Variants in DNAH6 observed in about 807,000 individuals in gnomAD.
DNAH6 encodes the protein axonemal beta dynein heavy chain 6.
In DNAH6, 340 loss-of-function variants were observed where a neutral mutation model predicts 491.4. The observed-to-expected ratio is 0.69, with a 90% CI of 0.63 to 0.76. The LOEUF (loss-of-function observed/expected upper bound fraction) is 0.76, where lower values mean the gene tolerates loss of function less well. Ranked by LOEUF, DNAH6 falls within the 30% of genes least tolerant of loss-of-function variation. The probability of loss-of-function intolerance (pLI) is 0.00; values close to 1 mark genes in which losing one functional copy is unlikely to be tolerated. For synonymous variants in DNAH6, 1,603 were observed against 1,686.1 expected, an observed-to-expected ratio of 0.95 and a Z score of 1.21; for missense variants, 4,443 against 4,972.2, an observed-to-expected ratio of 0.89 and a Z score of 3.20.
chr2:84,518,618 CAA>C (rs1675824106), intron 2 of DNAH6, among the ~76,000 whole-genome samples: 1 of 152,188 alleles, frequency 6.6e-6, no homozygotes, highest in African/African-American at 2.4e-5. Context: ...CTTCACTTGA[CAA>C]AAGTGTATCA....
intron 30 of DNAH6, among the ~76,000 whole-genome samples, chr2:84,636,704 T>G (rs74700655): frequency 0.031 from 4,698 of 152,004 alleles, 257 homozygotes; most frequent in African/African-American, 0.11. Flanking sequence ...GTGGAGAAGG[T>G]TTAATGGTCA....
rs78797817 is a variant in DNAH6 at position 84,610,328 on chromosome 2, A to T, written c.3295-1346A>T. 2.0e-5 allele frequency among the ~76,000 whole-genome samples: 3 copies of T among 152,194 alleles called. No homozygotes were observed. In the South Asian group the frequency reaches 6.2e-4, roughly 32 times the overall value. On this transcript the variant is annotated intron_variant, in intron 21 of 76. Transcript: ENST00000389394. Reference sequence around the variant, plus strand: ...AGTCTTATATAACATAAACATAATTATGTACATTCTGTTACCTTTGCCACA... The same window carrying T: ...AGTCTTATATAACATAAACATAATTTTGTACATTCTGTTACCTTTGCCACA...
At position 84,805,832 on chromosome 2, in the gene DNAH6, T is replaced by C. The variant is rs983993061; in HGVS notation, c.11611+38T>C. 2.0e-6 allele frequency: 3 copies of C among 1,526,466 alleles called. No homozygotes were observed. The South Asian group carries it at 3.8e-5, about 19-fold the overall frequency. The allele number at this position is 1,526,466 out of a possible 1,614,324, so 94.6% of individuals were successfully genotyped here. A position where few individuals can be genotyped will look rare whatever the true frequency, so the allele number is the denominator to read the frequency against. On this transcript the variant is annotated intron_variant, in intron 71 of 76. Coordinates refer to ENST00000389394, the MANE Select transcript of DNAH6 (RefSeq NM_001370.2). ...TCTAGGAATCTGTATGTAATGGGAA[T>C]TTTAGGAATAAACTCAGAGAACTGA...
chr2:84,541,976 C>T (rs377524701), intron 4 of DNAH6, among the ~76,000 whole-genome samples: 30 of 152,188 alleles, frequency 2.0e-4, no homozygotes, highest in African/African-American at 7.0e-4. Context: ...AAAGGGCTCT[C>T]GTGTGTTCAG....
intron 63 of DNAH6, among the ~76,000 whole-genome samples, chr2:84,753,958 G>A (rs1170988146): frequency 2.7e-5 from 4 of 150,750 alleles, no homozygotes; most frequent in Non-Finnish European, 4.4e-5. Context: ...CCAAGTAGCT[G>A]GGACTACAAG....
chr2:84,600,322 T>C (rs1310668315), intron 18 of DNAH6, among the ~76,000 whole-genome samples: 2 of 152,220 alleles, frequency 1.3e-5, no homozygotes, highest in African/African-American at 4.8e-5. Context: ...TTTATTAACA[T>C]ATTACATTAG....
chr2:84,813,430 G>A (rs747613672), intron 74 of DNAH6, among the ~76,000 whole-genome samples: 33 of 152,142 alleles, frequency 2.2e-4, no homozygotes, highest in South Asian at 6.2e-4. Context: ...ACGCTCAAGG[G>A]CATCAACTGC....
At chr2:84,752,222 G>T (rs1295078957) in intron 63 of DNAH6, among the ~76,000 whole-genome samples, 1 of 152,206 alleles carries the variant, frequency 6.6e-6, no homozygotes, top group Non-Finnish European at 1.5e-5. Flanking sequence ...TATGAATGCA[G>T]TGTTAAGTCC....
At chr2:84,465,372 G>C in the DNAH6 span, among the ~76,000 whole-genome samples, 1,625 of 152,186 alleles carry the variant, frequency 0.011, 42 homozygotes, top group African/African-American at 0.037. Context: ...GCAGGCACCT[G>C]TAGTCCCAGC....
At chr2:84,688,108 G>A (rs779281333) in intron 44 of DNAH6, among the ~76,000 whole-genome samples, 3 of 151,806 alleles carry the variant, frequency 2.0e-5, no homozygotes, top group Non-Finnish European at 2.9e-5. Context: ...GGTGGTGGGC[G>A]CCTGTAATCC....
At chr2:84,604,981 G>A (rs563484533) in intron 19 of DNAH6, among the ~76,000 whole-genome samples, 37 of 152,236 alleles carry the variant, frequency 2.4e-4, no homozygotes, top group South Asian at 2.1e-3. Context: ...TTCTGTCAAA[G>A]TATATGTGTT....
chr2:84,549,851 A>T (rs1679147697), intron 8 of DNAH6, 38 bp from the exon 9 acceptor site: 1 of 1,524,746 alleles, frequency 6.6e-7, no homozygotes, highest in Non-Finnish European at 8.9e-7. Context: ...TAGTGAATAT[A>T]AGAAACCGAA....
At chr2:84,515,023 A>G (rs1338169529), upstream of DNAH6, among the ~76,000 whole-genome samples, 1 of 152,200 alleles carries the variant, frequency 6.6e-6, no homozygotes, top group African/African-American at 2.4e-5. Flanking sequence ...TAAACTTTGA[A>G]GGGAACAGAT....
intron 67 of DNAH6, 71 bp downstream of exon 67, chr2:84,785,827 G>C (rs1343676159): frequency 2.9e-6 from 4 of 1,359,024 alleles, no homozygotes; most frequent in Non-Finnish European, 3.9e-6. Flanking sequence ...TAATAATTAA[G>C]TGAAAGCTTA....
chr2:84,668,201 G>A (rs958345184), intron 37 of DNAH6, among the ~76,000 whole-genome samples: 16 of 152,142 alleles, frequency 1.1e-4, no homozygotes, highest in African/African-American at 3.4e-4. Flanking sequence ...TAATAAACTT[G>A]CACGTTGTGC....
At chr2:84,499,653 C>T in the DNAH6 span, among the ~76,000 whole-genome samples, 16 of 152,294 alleles carry the variant, frequency 1.1e-4, no homozygotes, top group Middle Eastern at 3.4e-3. Context: ...TTTGGATTCC[C>T]GCCATCACTG....
At chr2:84,605,233 G>T (rs1281178849) in intron 19 of DNAH6, among the ~76,000 whole-genome samples, 1 of 151,486 alleles carries the variant, frequency 6.6e-6, no homozygotes, top group East Asian at 1.9e-4. Context: ...AGTGCCTGTA[G>T]TCCCAGCTAC....
At chr2:84,570,840 C>G (rs946893088) in intron 11 of DNAH6, among the ~76,000 whole-genome samples, 1 of 152,194 alleles carries the variant, frequency 6.6e-6, no homozygotes, top group Admixed American at 6.5e-5. Context: ...TGCTGCTGCT[C>G]ACTCTTGGGT....
intron 46 of DNAH6, among the ~76,000 whole-genome samples, chr2:84,697,209 A>C (rs771085336): frequency 6.6e-6 from 1 of 152,194 alleles, no homozygotes; most frequent in Non-Finnish European, 1.5e-5. Context: ...TGTCCGTGCA[A>C]ATGTATGGTG....
Sources: gnomAD v4.1 joint callset for allele counts (sites outside exome capture counted in the v4.1 genomes callset) on GRCh38, gnomAD v4.1.1 for gene constraint, MANE v1.5 for transcripts, NCBI Gene and HGNC (gene_info 2026-07-23, HGNC 2026-07-21) for gene names.